The following SLC16A12 variants were observed in gnomAD, a reference collection of about 807,000 sequenced individuals.
The protein encoded by SLC16A12 is solute carrier family 16 member 12, also known as monocarboxylate transporter 12.
Under a neutral mutation model 42.4 loss-of-function variants are expected in SLC16A12, and 17 were observed. That is an observed-to-expected ratio of 0.40 (90% CI 0.27 to 0.60). SLC16A12 has a LOEUF of 0.60. Among genes scored for constraint, SLC16A12 ranks in the 20% least tolerant of loss-of-function variants. The pLI is 0.42. For synonymous variants in SLC16A12, 224 were observed against 229.4 expected, an observed-to-expected ratio of 0.98 and a Z score of 0.21; for missense variants, 544 against 623.0, an observed-to-expected ratio of 0.87 and a Z score of 1.35.
At chr10:89,445,636 C>T (rs1841988445) in intron 3 of SLC16A12, among the ~76,000 whole-genome samples, 1 of 152,162 alleles carries the variant, frequency 6.6e-6, no homozygotes, top group Non-Finnish European at 1.5e-5. Flanking sequence ...GATAAAACCA[C>T]AAAGATGGGG....
At chr10:89,465,307 A>T (rs1842374894) in intron 2 of SLC16A12, among the ~76,000 whole-genome samples, 1 of 152,222 alleles carries the variant, frequency 6.6e-6, no homozygotes, top group Non-Finnish European at 1.5e-5. Flanking sequence ...GTATAAATTC[A>T]TAAACGTTTT....
intron 2 of SLC16A12, among the ~76,000 whole-genome samples, chr10:89,550,801 C>T (rs555842240): frequency 6.4e-4 from 98 of 152,270 alleles, no homozygotes; most frequent in African/African-American, 2.2e-3. Flanking sequence ...TCACTATTTT[C>T]GCAAAGTTCT....
chr10:89,486,664 A>AAAAG (rs150119541), intron 2 of SLC16A12, among the ~76,000 whole-genome samples: 72 of 94,114 alleles, frequency 7.7e-4, no homozygotes, highest in African/African-American at 2.1e-3. Flanking sequence ...AGAAAGAAAG[A>AAAAG]AAAGAAAGAA....
rs552462464 is a variant in SLC16A12 at position 89,556,590 on chromosome 10, A to T, written c.-213T>A. 2.0e-5 allele frequency: 3 copies of T among 152,068 alleles called. No homozygotes were observed. In the East Asian group the frequency reaches 5.8e-4, roughly 30 times the overall value. 9.4% of individuals were successfully genotyped at this position (152,068 alleles called of 1,614,324 possible). ...GCAGGAACTTTTTCCTGGTTTCTGGAGCTGGTTTCTGACCTACCTTGTCTG... is the reference window on the plus strand; with the variant it reads ...GCAGGAACTTTTTCCTGGTTTCTGGTGCTGGTTTCTGACCTACCTTGTCTG... On this transcript the variant is annotated 5_prime_UTR_variant, in exon 1 of 3. Coordinates refer to the SLC16A12 transcript ENST00000475682.
chr10:89,521,422 T>C (rs570401594), intron 2 of SLC16A12, among the ~76,000 whole-genome samples: 1 of 152,348 alleles, frequency 6.6e-6, no homozygotes, highest in Non-Finnish European at 1.5e-5. Flanking sequence ...AGATCTAACT[T>C]TGATTTCCTA....
intron 2 of SLC16A12, among the ~76,000 whole-genome samples, chr10:89,475,359 G>T (rs1316046134): frequency 6.6e-6 from 1 of 152,168 alleles, no homozygotes; most frequent in Non-Finnish European, 1.5e-5. Flanking sequence ...TGGGAGGGAA[G>T]TTAAGAAACC....
At chr10:89,482,835 C>A (rs1202804701) in intron 2 of SLC16A12, among the ~76,000 whole-genome samples, 1 of 151,280 alleles carries the variant, frequency 6.6e-6, no homozygotes, top group Non-Finnish European at 1.5e-5. Context: ...GAAGAAAAAA[C>A]CCACAAAATT....
intron 3 of SLC16A12, chr10:89,456,302 A>G (rs1842188631): frequency 6.6e-6 from 1 of 152,240 alleles, no homozygotes; most frequent in African/African-American, 2.4e-5. Flanking sequence ...TATTGTTAAG[A>G]GAGTTCAAAA....
intron 2 of SLC16A12, among the ~76,000 whole-genome samples, chr10:89,548,742 G>C (rs1843754704): frequency 6.6e-6 from 1 of 152,150 alleles, no homozygotes; most frequent in African/African-American, 2.4e-5. Context: ...CTTGAATCCG[G>C]GAGGCAGAGG....
intron 2 of SLC16A12, among the ~76,000 whole-genome samples, chr10:89,463,421 GA>G (rs1265127419): frequency 4.0e-5 from 6 of 151,746 alleles, no homozygotes; most frequent in Non-Finnish European, 8.8e-5. Context: ...GATCAGTGAA[GA>G]AAAAAAGTAT....
intron 2 of SLC16A12, among the ~76,000 whole-genome samples, chr10:89,515,073 C>A (rs1482772358): frequency 6.6e-6 from 1 of 150,602 alleles, no homozygotes; most frequent in Admixed American, 6.6e-5. Context: ...GCCTTGGCAA[C>A]AGAGCAAGAC....
intron 2 of SLC16A12, among the ~76,000 whole-genome samples, chr10:89,533,427 C>A (rs7101264): frequency 0.46 from 69,386 of 151,896 alleles, 18,074 homozygotes; most frequent in African/African-American, 0.73. Context: ...AATATCTGCT[C>A]AATTGAACTA....
intron 2 of SLC16A12, among the ~76,000 whole-genome samples, chr10:89,533,717 T>C (rs892504937): frequency 2.6e-5 from 4 of 151,940 alleles, no homozygotes; most frequent in African/African-American, 7.3e-5. Context: ...TGTATATCCA[T>C]AATATAAAAA....
intron 2 of SLC16A12, among the ~76,000 whole-genome samples, chr10:89,503,455 C>T (rs531615717): frequency 1.8e-4 from 28 of 152,318 alleles, no homozygotes; most frequent in Non-Finnish European, 3.7e-4. Context: ...CTCTTAATAG[C>T]TCTCTGCCTT....
chr10:89,467,576 G>A (rs529002657), intron 2 of SLC16A12, among the ~76,000 whole-genome samples: 3 of 152,192 alleles, frequency 2.0e-5, no homozygotes, highest in Middle Eastern at 3.4e-3. Flanking sequence ...AAACTATTAC[G>A]ATGCAATATT....
chr10:89,526,005 C>T (rs1200287559), intron 2 of SLC16A12, among the ~76,000 whole-genome samples: 1 of 152,202 alleles, frequency 6.6e-6, no homozygotes, highest in African/African-American at 2.4e-5. Context: ...TTTATCCTCT[C>T]ATTGTGCACT....
chr10:89,441,390 C>T (rs1449797438), intron 4 of SLC16A12, 139 bp from the exon 5 acceptor site: 3 of 1,047,594 alleles, frequency 2.9e-6, no homozygotes, highest in Non-Finnish European at 4.2e-6. Context: ...GAAACTGAGG[C>T]CCAGAGAAAG....
intron 2 of SLC16A12, among the ~76,000 whole-genome samples, chr10:89,547,375 G>A (rs1843747915): frequency 6.6e-6 from 1 of 152,126 alleles, no homozygotes; most frequent in Non-Finnish European, 1.5e-5. Flanking sequence ...TTTAATGAAT[G>A]ACTAAATTGC....
intron 2 of SLC16A12, among the ~76,000 whole-genome samples, chr10:89,463,527 G>C (rs1461624502): frequency 6.6e-6 from 1 of 152,032 alleles, no homozygotes; most frequent in Non-Finnish European, 1.5e-5. Context: ...AAAAACCTAA[G>C]TGAAAATATA....
Sources: allele counts gnomAD v4.1 joint callset (sites outside exome capture counted in the v4.1 genomes callset), GRCh38; gene constraint gnomAD v4.1.1; transcripts MANE v1.5; gene names NCBI Gene and HGNC (gene_info 2026-07-23, HGNC 2026-07-21).